ZBTB20: variants seen among roughly 807,000 people sequenced by gnomAD.
The protein encoded by ZBTB20 is zinc finger and BTB domain containing 20.
Under a neutral mutation model 56.9 loss-of-function variants are expected in ZBTB20, and 9 were observed. The observed-to-expected ratio is 0.16, with a 90% CI of 0.10 to 0.28. The LOEUF (loss-of-function observed/expected upper bound fraction) is 0.28. Among genes scored for constraint, ZBTB20 ranks in the 10% least tolerant of loss-of-function variants. The pLI, the probability that ZBTB20 is intolerant of heterozygous loss-of-function variation, is 1.00. For missense variants in ZBTB20, 655 were observed against 1,003.0 expected (o/e 0.65, Z 4.69); for synonymous variants, 417 against 420.7 (o/e 0.99, Z 0.11).
intron 4 of ZBTB20, among the ~76,000 whole-genome samples, chr3:114,880,347 T>C (rs895952167): frequency 6.6e-6 from 1 of 152,124 alleles, no homozygotes; most frequent in Non-Finnish European, 1.5e-5. Context: ...AAAACATCAC[T>C]TACCTCTGCT....
chr3:114,710,366 C>G (rs1306056861), intron 5 of ZBTB20: 1 of 152,148 alleles, frequency 6.6e-6, no homozygotes, highest in Non-Finnish European at 1.5e-5. Context: ...ATCTCCAGTC[C>G]TAATCCTTCC....
At chr3:114,747,001 T>A (rs892636238) in intron 5 of ZBTB20, among the ~76,000 whole-genome samples, 5 of 152,188 alleles carry the variant, frequency 3.3e-5, no homozygotes, top group African/African-American at 1.2e-4. Flanking sequence ...GAATGGGACA[T>A]ATACATGTAA....
chr3:114,996,165 G>C (rs1044428893), intron 2 of ZBTB20, among the ~76,000 whole-genome samples: 7 of 151,702 alleles, frequency 4.6e-5, no homozygotes, highest in African/African-American at 1.7e-4. Context: ...AAAGCCTAAA[G>C]AGAAAAACAT....
At chr3:114,400,371 T>C (rs141801353) in intron 7 of ZBTB20, among the ~76,000 whole-genome samples, 1 of 152,192 alleles carries the variant, frequency 6.6e-6, no homozygotes, top group Admixed American at 6.5e-5. Context: ...AGCTGATCCA[T>C]GTGGAAGTGC....
chr3:115,143,186 A>G (rs1187566550), intron 1 of ZBTB20, among the ~76,000 whole-genome samples: 1 of 152,210 alleles, frequency 6.6e-6, no homozygotes, highest in East Asian at 1.9e-4. Context: ...AGACTAAATG[A>G]TTAAAGTATT....
chr3:114,910,010 A>C (rs953315947), intron 3 of ZBTB20, among the ~76,000 whole-genome samples: 5 of 151,988 alleles, frequency 3.3e-5, no homozygotes, highest in African/African-American at 1.2e-4. Flanking sequence ...TTTTTAAATG[A>C]CTAATAAAGT....
chr3:115,025,010 T>C (rs2080361391), intron 2 of ZBTB20, among the ~76,000 whole-genome samples: 1 of 151,204 alleles, frequency 6.6e-6, no homozygotes, highest in African/African-American at 2.4e-5. Flanking sequence ...ATTTGTGTCA[T>C]GGGGGTCTGT....
intron 6 of ZBTB20, among the ~76,000 whole-genome samples, chr3:114,622,845 A>G (rs917015500): frequency 2.0e-5 from 3 of 152,212 alleles, no homozygotes; most frequent in African/African-American, 7.2e-5. Flanking sequence ...GACAACCAAA[A>G]CAATAAAATA....
At chr3:114,769,595 A>G (rs930526591) in intron 5 of ZBTB20, among the ~76,000 whole-genome samples, 8 of 119,526 alleles carry the variant, frequency 6.7e-5, no homozygotes, top group Non-Finnish European at 1.4e-4. Flanking sequence ...ATATATATAT[A>G]TAATGGAATA....
intron 5 of ZBTB20, among the ~76,000 whole-genome samples, chr3:114,709,591 G>A (rs1223494727): frequency 6.6e-6 from 1 of 152,138 alleles, no homozygotes; most frequent in Non-Finnish European, 1.5e-5. Flanking sequence ...ACAGCTTTAG[G>A]AGGGGCAAAT....
At chr3:115,106,568 T>A (rs1365377973) in intron 1 of ZBTB20, among the ~76,000 whole-genome samples, 1 of 152,100 alleles carries the variant, frequency 6.6e-6, no homozygotes, top group Non-Finnish European at 1.5e-5. Context: ...GTCATCTATT[T>A]TAAAATTGTA....
At chr3:114,549,427 G>A (rs907908326) in intron 6 of ZBTB20, among the ~76,000 whole-genome samples, 2 of 152,000 alleles carry the variant, frequency 1.3e-5, no homozygotes, top group Non-Finnish European at 1.5e-5. Context: ...TCTGTTAAAT[G>A]TTCAATGTAT....
At chr3:114,719,088 G>A (rs570885268) in intron 5 of ZBTB20, among the ~76,000 whole-genome samples, 1 of 148,236 alleles carries the variant, frequency 6.7e-6, no homozygotes, top group East Asian at 2.0e-4. Context: ...GAGCCAAAAG[G>A]CCAGGAAGAA....
At chr3:114,989,034 T>G (rs1195602894) in intron 2 of ZBTB20, among the ~76,000 whole-genome samples, 1 of 152,206 alleles carries the variant, frequency 6.6e-6, no homozygotes, top group Non-Finnish European at 1.5e-5. Flanking sequence ...GTAAAAATTT[T>G]CTCCCATTCT....
chr3:114,995,246 A>C (rs566483026), intron 2 of ZBTB20, among the ~76,000 whole-genome samples: 2 of 152,034 alleles, frequency 1.3e-5, no homozygotes, highest in East Asian at 3.9e-4. Flanking sequence ...ATTCAAGCAA[A>C]TATGGCAAAT....
At chr3:114,481,016 T>C (rs2041479253) in intron 7 of ZBTB20, among the ~76,000 whole-genome samples, 1 of 152,092 alleles carries the variant, frequency 6.6e-6, no homozygotes, top group African/African-American at 2.4e-5. Context: ...TATTTCTCTG[T>C]TTTAAAAAAA....
intron 2 of ZBTB20, among the ~76,000 whole-genome samples, chr3:114,985,394 A>G (rs2078495050): frequency 6.6e-6 from 1 of 152,110 alleles, no homozygotes; most frequent in African/African-American, 2.4e-5. Context: ...TCCATTTAAG[A>G]GATAGGTCCA....
chr3:114,443,608 A>T (rs1188523205), intron 7 of ZBTB20, among the ~76,000 whole-genome samples: 1 of 152,234 alleles, frequency 6.6e-6, no homozygotes, highest in Non-Finnish European at 1.5e-5. Context: ...GGTTCCTGTT[A>T]CACAAAAATC....
At chr3:114,615,517 C>T (rs2057873254) in intron 6 of ZBTB20, among the ~76,000 whole-genome samples, 1 of 152,202 alleles carries the variant, frequency 6.6e-6, no homozygotes, top group African/African-American at 2.4e-5. Flanking sequence ...CTAGCCTCAA[C>T]ATGCTGGAAG....
Sources: gnomAD v4.1 joint callset for allele counts (sites outside exome capture counted in the v4.1 genomes callset) on GRCh38, gnomAD v4.1.1 for gene constraint, MANE v1.5 for transcripts, NCBI Gene and HGNC (gene_info 2026-07-23, HGNC 2026-07-21) for gene names.